STK3: variants seen among roughly 807,000 people sequenced by gnomAD.
STK3 encodes the protein serine/threonine kinase 3.
In STK3, 41 loss-of-function variants were observed where a neutral mutation model predicts 58.0. The observed-to-expected ratio is 0.71, with a 90% confidence interval of 0.55 to 0.92. STK3 has a LOEUF of 0.92. Ranked by LOEUF, STK3 falls within the 40% of genes least tolerant of loss-of-function variation. STK3 has a pLI of 0.00. For synonymous variants in STK3, 170 were observed against 191.0 expected, an observed-to-expected ratio of 0.89 and a Z score of 0.91; for missense variants, 479 against 602.7, an observed-to-expected ratio of 0.79 and a Z score of 2.15.
intron 3 of STK3, among the ~76,000 whole-genome samples, chr8:98,861,194 A>G (rs1038126090): frequency 2.0e-5 from 3 of 152,146 alleles, no homozygotes; most frequent in African/African-American, 7.2e-5. Context: ...TCCTTACACT[A>G]CAGGGTTTGA....
chr8:98,590,512 C>A (rs966517759), intron 7 of STK3, among the ~76,000 whole-genome samples: 1 of 152,070 alleles, frequency 6.6e-6, no homozygotes, highest in Admixed American at 6.6e-5. Flanking sequence ...TTGGGCTGGT[C>A]GGTCTGAGGA....
intron 1 of STK3, chr8:98,905,001 T>C (rs1838834067): frequency 1.3e-6 from 1 of 768,406 alleles, no homozygotes; most frequent in Non-Finnish European, 2.4e-6. Flanking sequence ...GTATCGCTTA[T>C]AGTAGTGGAG....
downstream of STK3, among the ~76,000 whole-genome samples, chr8:98,400,741 T>C (rs1198472358): frequency 6.6e-6 from 1 of 152,220 alleles, no homozygotes; most frequent in African/African-American, 2.4e-5. Flanking sequence ...TTAGATTTGA[T>C]TTGAAGTCTA....
chr8:98,657,078 A>C (rs889239561), intron 6 of STK3, among the ~76,000 whole-genome samples: 2 of 152,164 alleles, frequency 1.3e-5, no homozygotes, highest in Non-Finnish European at 2.9e-5. Flanking sequence ...AAATGAATCA[A>C]TTAATTAAAT....
At chr8:98,722,947 T>G (rs768618729) in intron 4 of STK3, 5 of 479,514 alleles carry the variant, frequency 1.0e-5, no homozygotes, top group Admixed American at 4.7e-5. Flanking sequence ...AGCACTTCCT[T>G]CAGTGGTATC....
chr8:98,643,460 C>T (rs1307915979), intron 6 of STK3, among the ~76,000 whole-genome samples: 1 of 152,150 alleles, frequency 6.6e-6, no homozygotes, highest in African/African-American at 2.4e-5. Context: ...TGGCTCACTC[C>T]CTTGTGTGCT....
intron 10 of STK3, among the ~76,000 whole-genome samples, chr8:98,470,015 G>T (rs939803853): frequency 2.0e-5 from 3 of 152,180 alleles, no homozygotes; most frequent in African/African-American, 7.2e-5. Flanking sequence ...TGACCCAGCA[G>T]ACCTAGTGCT....
At chr8:98,406,398 C>CCAGGT (rs1817993420) in intron 3 of STK3, among the ~76,000 whole-genome samples, 1 of 151,988 alleles carries the variant, frequency 6.6e-6, no homozygotes, top group Non-Finnish European at 1.5e-5. Context: ...ATCCCATCAC[C>CCAGGT]CAGGTAGTGA....
At chr8:98,467,439 C>T (rs1294642605) in intron 10 of STK3, among the ~76,000 whole-genome samples, 6 of 152,020 alleles carry the variant, frequency 3.9e-5, no homozygotes, top group African/African-American at 7.3e-5. Flanking sequence ...TTTAGAATAT[C>T]GGGTACTTAA....
chr8:98,571,751 G>A (rs900932587), intron 8 of STK3, among the ~76,000 whole-genome samples: 6 of 152,282 alleles, frequency 3.9e-5, no homozygotes, highest in Non-Finnish European at 8.8e-5. Flanking sequence ...CCTGATACAT[G>A]CATAAAAGTG....
At chr8:98,692,249 T>C (rs1202375729) in intron 6 of STK3, among the ~76,000 whole-genome samples, 3 of 152,176 alleles carry the variant, frequency 2.0e-5, no homozygotes, top group African/African-American at 4.8e-5. Context: ...CACTCTTGAA[T>C]TGATGATTGT....
chr8:98,482,674 A>T (rs113342534), intron 10 of STK3, among the ~76,000 whole-genome samples: 6 of 152,170 alleles, frequency 3.9e-5, no homozygotes, highest in African/African-American at 1.4e-4. Context: ...TATGTCAAAC[A>T]GAGGGAAGAA....
At chr8:98,468,099 G>A (rs565989793) in intron 10 of STK3, among the ~76,000 whole-genome samples, 18 of 152,214 alleles carry the variant, frequency 1.2e-4, no homozygotes, top group African/African-American at 4.1e-4. Flanking sequence ...TTTTAGTTTC[G>A]AAGCATCTAA....
At chr8:98,506,504 G>A (rs895133431) in intron 10 of STK3, among the ~76,000 whole-genome samples, 1 of 152,118 alleles carries the variant, frequency 6.6e-6, no homozygotes, top group African/African-American at 2.4e-5. Context: ...GCTGCAGACC[G>A]GAGCTGTTCC....
At chr8:98,353,422 T>A in the STK3 span, among the ~76,000 whole-genome samples, 4 of 152,180 alleles carry the variant, frequency 2.6e-5, no homozygotes, top group Admixed American at 6.5e-5. Flanking sequence ...GCCAGGGATG[T>A]CGAGGCTGCA....
chr8:98,704,496 G>A (rs1587360655), intron 6 of STK3, among the ~76,000 whole-genome samples: 2 of 151,850 alleles, frequency 1.3e-5, no homozygotes, highest in Middle Eastern at 6.8e-3. Flanking sequence ...TTGGGCGATA[G>A]CTGTCAAGAA....
chr8:98,937,995 C>T (rs1840256068), intron 1 of STK3, among the ~76,000 whole-genome samples: 1 of 152,088 alleles, frequency 6.6e-6, no homozygotes, highest in African/African-American at 2.4e-5. Flanking sequence ...TTTTGAGAAT[C>T]CCCATAAGAA....
At chr8:98,750,644 T>C (rs1267812847) in intron 3 of STK3, among the ~76,000 whole-genome samples, 3 of 149,432 alleles carry the variant, frequency 2.0e-5, no homozygotes, top group African/African-American at 4.9e-5. Flanking sequence ...CAGGACCAGA[T>C]GGACTTAGGG....
intron 8 of STK3, among the ~76,000 whole-genome samples, chr8:98,577,987 T>C (rs1351563911): frequency 6.6e-6 from 1 of 152,018 alleles, no homozygotes; most frequent in Non-Finnish European, 1.5e-5. Flanking sequence ...TAGTGTGACT[T>C]AAGCTCAGCG....
Sources: gnomAD v4.1 joint callset for allele counts (sites outside exome capture counted in the v4.1 genomes callset) on GRCh38, gnomAD v4.1.1 for gene constraint, MANE v1.5 for transcripts, NCBI Gene and HGNC (gene_info 2026-07-23, HGNC 2026-07-21) for gene names.